Variants in TESC observed in about 807,000 individuals in gnomAD.
The protein encoded by TESC is calcineurin B homologous protein 3.
A neutral mutation model predicts 31.0 loss-of-function variants in TESC; 19 were observed. The ratio of observed to expected loss-of-function variants is 0.61; its 90% CI spans 0.43 to 0.90. The LOEUF (loss-of-function observed/expected upper bound fraction) is 0.90. Among genes scored for constraint, TESC ranks in the 40% least tolerant of loss-of-function variants. The pLI, the probability that TESC is intolerant of heterozygous loss-of-function variation, is 0.00. For synonymous variants in TESC, 109 were observed against 114.8 expected (o/e 0.95, Z 0.32); for missense variants, 248 against 303.8 (o/e 0.82, Z 1.36).
At chr12:117,040,419 G>T (rs1954465307) in intron 7 of TESC, among the ~76,000 whole-genome samples, 1 of 152,244 alleles carries the variant, frequency 6.6e-6, no homozygotes, top group Non-Finnish European at 1.5e-5. Flanking sequence ...ACAGGGACAG[G>T]CTTGGGGAGC....
chr12:117,058,354 G>T (rs114364814), intron 2 of TESC, among the ~76,000 whole-genome samples: 1 of 152,034 alleles, frequency 6.6e-6, no homozygotes, highest in African/African-American at 2.4e-5. Flanking sequence ...AATACACCGC[G>T]GTAGAAAGCA....
intron 2 of TESC, among the ~76,000 whole-genome samples, chr12:117,070,286 A>G (rs1300529943): frequency 6.6e-6 from 1 of 152,182 alleles, no homozygotes; most frequent in East Asian, 1.9e-4. Context: ...GGGAACCTTG[A>G]AAAGCTACCT....
At chr12:117,042,117 G>A in intron 6 of TESC, 123 bp from the exon 7 acceptor site, 1 of 978,984 alleles carries the variant, frequency 1.0e-6, no homozygotes, top group South Asian at 1.5e-5. Flanking sequence ...GAGGCTGTTT[G>A]GGAGGAATCA....
intron 1 of TESC, among the ~76,000 whole-genome samples, chr12:117,075,877 A>G (rs1422410537): frequency 0.11 from 1,022 of 8,972 alleles, 47 homozygotes; most frequent in African/African-American, 0.21. Flanking sequence ...ATATGTGTGT[A>G]TATATATATA....
chr12:117,094,970 C>T (rs1208259052), intron 1 of TESC, among the ~76,000 whole-genome samples: 3 of 148,312 alleles, frequency 2.0e-5, no homozygotes, highest in Admixed American at 6.7e-5. Flanking sequence ...GAGCTGAGAT[C>T]GCGCCACTGC....
chr12:117,088,061 G>C (rs1955244358), intron 1 of TESC, among the ~76,000 whole-genome samples: 1 of 152,142 alleles, frequency 6.6e-6, no homozygotes, highest in Non-Finnish European at 1.5e-5. Context: ...ACACAGCTAG[G>C]AGCAGCAGAA....
rs941890182 is a variant in TESC, at chr12:117,099,200, C to T, written c.58+25G>A. ...CGTTCGGAGGTCCCGCCCCGGTCCC[C>T]GCGCCGCCCCCCGCGGGTACTCACA... On this transcript the variant is annotated intron_variant, in intron 1 of 7. Transcript: ENST00000335209. The T allele has an allele frequency of 2.7e-6, 4 of 1,478,328 alleles. No homozygotes were observed. In the African/African-American group the frequency reaches 4.4e-5, roughly 16 times the overall value. 91.6% of individuals were successfully genotyped at this position (1,478,328 alleles called of 1,614,324 possible). A position where few individuals can be genotyped will look rare whatever the true frequency, so the allele number is the denominator to read the frequency against.
rs1454907459 is a variant in TESC, at chr12:117,075,954, T to C, written c.59-614A>G. On this transcript the variant is annotated intron_variant, in intron 1 of 7. Transcript: ENST00000335209. ...ATATATATATATGTATATATACATA[T>C]ATATATATATATGTATGTATATATA... 1.2e-4 allele frequency among the ~76,000 whole-genome samples: 15 copies of C among 128,098 alleles called. 1 individual carries two copies. In the South Asian group the frequency reaches 1.4e-3, roughly 12 times the overall value. 84.0% of individuals were successfully genotyped at this position (128,098 alleles called of 152,430 possible).
chr12:117,044,876 G>A (rs922081975), intron 6 of TESC, among the ~76,000 whole-genome samples: 3 of 151,858 alleles, frequency 2.0e-5, no homozygotes, highest in Middle Eastern at 3.2e-3. Context: ...CAGCCTGGGC[G>A]GCAGAGTAAG....
At position 117,063,272 on chromosome 12, in the gene TESC, C is replaced by A. The variant is rs1399929580; in HGVS notation, c.129-6386G>T. On this transcript the variant is annotated intron_variant, in intron 2 of 7. Coordinates refer to ENST00000335209, the MANE Select transcript of TESC (RefSeq NM_017899.4). ...CCATCTTGCGCTTCCTCACTCTCAC[C>A]ACTTCCTTCCTTCCAGTTGCGCATT... Among the ~76,000 whole-genome samples, 3 of 152,162 alleles carry A rather than the reference C, an allele frequency of 2.0e-5. No individual in the cohort carries two copies. In the East Asian group the frequency reaches 5.8e-4, roughly 29 times the overall value.
intron 2 of TESC, among the ~76,000 whole-genome samples, chr12:117,060,303 G>C (rs1466948901): frequency 6.6e-6 from 1 of 152,154 alleles, no homozygotes. Context: ...CCCCAGAGTT[G>C]GGGGTGATTG....
At position 117,097,837 on chromosome 12, in the gene TESC, C is replaced by T. The variant is rs77040520; in HGVS notation, c.58+1388G>A. Among the ~76,000 whole-genome samples the T allele has an allele frequency of 1.7e-4, 26 of 152,014 alleles. No homozygotes were observed. In the East Asian group the frequency reaches 4.8e-3, roughly 28 times the overall value. On this transcript the variant is annotated intron_variant, in intron 1 of 7. Transcript: ENST00000335209. The stretch of plus-strand genomic sequence containing the variant: ...ATTACAAATGTATACTCTTATTTTC[C>T]CCTCTTTTTACATTTTCTATTTCTT...
Position 117,040,103 on chromosome 12 carries a change from G to A in TESC, c.568-893C>T, listed in dbSNP as rs1395542037. Among the ~76,000 whole-genome samples the A allele has an allele frequency of 2.0e-5, 3 of 152,342 alleles. No homozygotes were observed. The South Asian group carries it at 6.2e-4, about 32-fold the overall frequency. ...CGGGGACAGCCACGAGGCTGGTAACGGGGGAAAGTCAGAGCCCCGTGGGCA... is the reference window on the plus strand; with the variant it reads ...CGGGGACAGCCACGAGGCTGGTAACAGGGGAAAGTCAGAGCCCCGTGGGCA... On this transcript the variant is annotated intron_variant, in intron 7 of 7. Coordinates refer to ENST00000335209, the MANE Select transcript of TESC (RefSeq NM_017899.4).
At chr12:117,082,457 G>C (rs1465378821) in intron 1 of TESC, among the ~76,000 whole-genome samples, 3 of 151,080 alleles carry the variant, frequency 2.0e-5, no homozygotes, top group African/African-American at 4.9e-5. Flanking sequence ...TGAGCCAAGA[G>C]TGCCATCACA....
In TESC at chr12:117,046,795, A is replaced by G. The variant is rs770058081; in HGVS notation, c.393T>C (p.Thr131=). 6 of 1,568,040 alleles carry G rather than the reference A, an allele frequency of 3.8e-6. No individual in the cohort carries two copies. The African/African-American group carries it at 6.8e-5, about 18-fold the overall frequency. The change falls in exon 5 of 8, where the codon ACT becomes ACC. Residue 131 remains threonine, a synonymous_variant. Coordinates refer to ENST00000335209, the MANE Select transcript of TESC (RefSeq NM_017899.4). The stretch of plus-strand genomic sequence containing the variant: ...ACTTTACATTTCGATATTCTTCCAG[A>G]GTGATGCGGCCGTCGCTGTCCGAGT... ...MYDSDSDGRI[T]LEEYRNVVEE...
At chr12:117,085,485 C>T (rs1955208902) in intron 1 of TESC, among the ~76,000 whole-genome samples, 1 of 152,192 alleles carries the variant, frequency 6.6e-6, no homozygotes, top group Admixed American at 6.5e-5. Context: ...TGAGAGCCTT[C>T]TCCCGTGCCC....
intron 7 of TESC, among the ~76,000 whole-genome samples, chr12:117,041,020 C>CGGGGAGGGGGCTGG (rs1954475773): frequency 2.2e-5 from 1 of 44,616 alleles, no homozygotes; most frequent in African/African-American, 7.9e-5. Flanking sequence ...GGCCGAACTG[C>CGGGGAGGGGGCTGG]GGGGAGGGGG....
Position 117,099,368 on chromosome 12 carries a change from G to A in TESC, c.-86C>T. On this transcript the variant is annotated 5_prime_UTR_variant, in exon 1 of 8. Coordinates refer to ENST00000335209, the MANE Select transcript of TESC (RefSeq NM_017899.4). ...TGCGCAGCGGCGGGACTGGCCTCGG[G>A]TCCGGCCTCGGGTCGGGACGCCGGC... is the stretch of plus-strand genomic sequence containing the variant. 1 of 1,279,938 alleles carries A rather than the reference G, an allele frequency of 7.8e-7. No individual in the cohort carries two copies. The highest frequency in any genetic ancestry group is 1.0e-6 in the Non-Finnish European group (1 of 1,003,788). The allele number at this position is 1,279,938 out of a possible 1,614,324, so 79.3% of individuals were successfully genotyped here.
intron 2 of TESC, among the ~76,000 whole-genome samples, chr12:117,062,854 C>T (rs1209164701): frequency 6.6e-6 from 1 of 152,226 alleles, no homozygotes; most frequent in Non-Finnish European, 1.5e-5. Flanking sequence ...TGGGAACAGG[C>T]TCTGCCTCAC....
Sources: allele counts gnomAD v4.1 joint callset (sites outside exome capture counted in the v4.1 genomes callset), GRCh38; gene constraint gnomAD v4.1.1; transcripts MANE v1.5; gene names NCBI Gene and HGNC (gene_info 2026-07-23, HGNC 2026-07-21).